ESM1: variants seen among roughly 807,000 people sequenced by gnomAD.
ESM1 encodes endothelial cell specific molecule 1.
A neutral mutation model predicts 14.9 loss-of-function variants in ESM1; 7 were observed. The observed-to-expected ratio is 0.47, with a 90% CI of 0.27 to 0.88. The LOEUF (loss-of-function observed/expected upper bound fraction) is 0.88, where lower values mean the gene tolerates loss of function less well. Ranked by LOEUF, ESM1 falls within the 40% of genes least tolerant of loss-of-function variation. The pLI is 0.14. For missense variants in ESM1, 192 were observed against 237.9 expected (o/e 0.81, Z 1.27); for synonymous variants, 89 against 89.4 (o/e 1.00, Z 0.02).
chr5:54,978,828 C>CA lies in ESM1; in HGVS notation c.*503dup, dbSNP rs10557410. ...GTTTTATTTTGACTTTTCCCAAAGC[C>CA]AAAAAAAAAAAAAAAAGCACAATTA... On this transcript the variant is annotated 3_prime_UTR_variant, in exon 3 of 3. Coordinates refer to ENST00000381405, the MANE Select transcript of ESM1 (RefSeq NM_007036.5). 46,810 of 129,832 alleles carry CA rather than the reference C, an allele frequency of 0.36. 8,228 individuals carry two copies. The highest frequency in any genetic ancestry group is 0.46 in the South Asian group (1,832 of 4,016). The allele number at this position is 129,832 out of a possible 1,614,324, so 8.0% of individuals were successfully genotyped here.
At chr5:54,983,061 A>C (rs575526978) in intron 1 of ESM1, among the ~76,000 whole-genome samples, 27 of 152,330 alleles carry the variant, frequency 1.8e-4, no homozygotes, top group African/African-American at 6.5e-4. Flanking sequence ...ATACCTTGTA[A>C]ATGTACAATC....
At chr5:54,985,153 T>A (rs1195925658) in intron 1 of ESM1, 64 bp downstream of exon 1, 1 of 1,478,034 alleles carries the variant, frequency 6.8e-7, no homozygotes, top group African/African-American at 1.4e-5. Context: ...CCACCTCACC[T>A]CCCAAGCTGG....
intron 1 of ESM1, among the ~76,000 whole-genome samples, chr5:54,982,425 T>C (rs1158396527): frequency 6.6e-6 from 1 of 152,170 alleles, no homozygotes; most frequent in Non-Finnish European, 1.5e-5. Flanking sequence ...TGGACCAGTC[T>C]TCATTCTGGT....
At chr5:54,982,699 C>T (rs77318173) in intron 1 of ESM1, among the ~76,000 whole-genome samples, 2,137 of 152,216 alleles carry the variant, frequency 0.014, 49 homozygotes, top group African/African-American at 0.05. Context: ...TATCAAGTTC[C>T]TTATTTGTCG....
intron 1 of ESM1, among the ~76,000 whole-genome samples, chr5:54,982,945 C>T (rs1740421899): frequency 6.6e-6 from 1 of 152,156 alleles, no homozygotes; most frequent in African/African-American, 2.4e-5. Context: ...ATTTAAAATG[C>T]ATAAAATTAT....
rs758722634 is a variant in ESM1 at position 54,985,463 on chromosome 5, C to A, written c.55G>T (p.Ala19Ser). ...TLLVPAHLVA[A>S]WSNNYAVDCP... ...TCCACCGCATAATTATTGCTCCAGG[C>A]GGCCACCAGGTGTGCAGGCACGAGG... Residue 19 changes from alanine to serine, a missense_variant, in exon 1 of 3, where the codon GCC becomes TCC. Ala to Ser is a moderately conservative substitution (Grantham distance 99, BLOSUM62 1). Coordinates refer to ENST00000381405, the MANE Select transcript of ESM1 (RefSeq NM_007036.5). 4 of 1,611,976 alleles carry A rather than the reference C, an allele frequency of 2.5e-6. No homozygotes were observed. Among genetic ancestry groups the A allele is most frequent in the Non-Finnish European group, 2.5e-6 (3 of 1,178,412 alleles).
At position 54,981,930 on chromosome 5, in the gene ESM1, A is replaced by T. The variant is rs189955108; in HGVS notation, c.451+67T>A. 3.3e-4 allele frequency: 487 copies of T among 1,454,804 alleles called. 1 individual carries two copies. In the African/African-American group the frequency reaches 6.4e-3, roughly 19 times the overall value. The allele number at this position is 1,454,804 out of a possible 1,614,324, so 90.1% of individuals were successfully genotyped here. On this transcript the variant is annotated intron_variant, in intron 2 of 2. Transcript: ENST00000381405. ...TCCACATCTTATTCTACTCACAGAT[A>T]TTTTCTAAGTTATTCACACTGAAAT... is the stretch of plus-strand genomic sequence containing the variant.
intron 2 of ESM1, among the ~76,000 whole-genome samples, chr5:54,981,143 A>T (rs1316883840): frequency 6.6e-6 from 1 of 152,186 alleles, no homozygotes; most frequent in Non-Finnish European, 1.5e-5. Flanking sequence ...CACCTCATAT[A>T]CTTATTTTTT....
intron 2 of ESM1, among the ~76,000 whole-genome samples, chr5:54,981,500 A>T (rs1415831275): frequency 1.3e-5 from 2 of 152,156 alleles, no homozygotes; most frequent in Non-Finnish European, 2.9e-5. Flanking sequence ...ATAAAAACAC[A>T]CACTTGGAAT....
chr5:54,984,472 T>C (rs1740485426), intron 1 of ESM1, among the ~76,000 whole-genome samples: 1 of 152,246 alleles, frequency 6.6e-6, no homozygotes, highest in South Asian at 2.1e-4. Flanking sequence ...AATGCTTAAC[T>C]ACATTATTTA....
chr5:54,978,673 C>A lies in ESM1; in HGVS notation c.*659G>T, dbSNP rs929191934. The A allele has an allele frequency of 6.6e-6, 1 of 152,500 alleles. No individual in the cohort carries two copies. The highest frequency in any genetic ancestry group is 6.6e-5 in the Admixed American group (1 of 15,252). The allele number at this position is 152,500 out of a possible 1,614,324, so 9.4% of individuals were successfully genotyped here. A position where few individuals can be genotyped will look rare whatever the true frequency, so the allele number is the denominator to read the frequency against. On this transcript the variant is annotated 3_prime_UTR_variant, in exon 3 of 3. Transcript: ENST00000381405. ...GTATGTGTTTCCTATGCCCCAGAAC[C>A]GTCCTTCAGATACAGGTAACCCGGG...
intron 2 of ESM1, among the ~76,000 whole-genome samples, chr5:54,981,069 A>G (rs1744043114): frequency 6.6e-6 from 1 of 152,214 alleles, no homozygotes; most frequent in Non-Finnish European, 1.5e-5. Flanking sequence ...TTAGGGTACA[A>G]TATGATACTT....
At position 54,982,842 on chromosome 5, in the gene ESM1, G is replaced by A. The variant is rs570702076; in HGVS notation, c.302-696C>T. On this transcript the variant is annotated intron_variant, in intron 1 of 2. Transcript: ENST00000381405. ...CAGGGCTTATACACCCTGAGGGTTT[G>A]TACACCTACCAAGAACTAGAAGCTT... Among the ~76,000 whole-genome samples, 35 of 152,276 alleles carry A rather than the reference G, an allele frequency of 2.3e-4. No individual in the cohort carries two copies. The East Asian group carries it at 5.2e-3, about 23-fold the overall frequency.
Position 54,979,277 on chromosome 5 carries a change from C to T in ESM1, c.*55G>A. On this transcript the variant is annotated 3_prime_UTR_variant, in exon 3 of 3. Coordinates refer to ENST00000381405, the MANE Select transcript of ESM1 (RefSeq NM_007036.5). ...ATCTAGAAAGTTCCTAAAATGTTGG[C>T]TGTGTGTTGAACAATCACGAAAATA... 7.9e-7 allele frequency: 1 copy of T among 1,268,148 alleles called. No individual in the cohort carries two copies. Among genetic ancestry groups the T allele is most frequent in the Non-Finnish European group, 1.2e-6 (1 of 868,236 alleles). 78.6% of individuals were successfully genotyped at this position (1,268,148 alleles called of 1,614,324 possible).
intron 2 of ESM1, 82 bp downstream of exon 2, chr5:54,981,915 A>T: frequency 1.5e-6 from 2 of 1,358,368 alleles, no homozygotes; most frequent in East Asian, 2.3e-5. Context: ...TCCACATCTT[A>T]TTCTACTCAC....
intron 1 of ESM1, among the ~76,000 whole-genome samples, chr5:54,983,327 C>T (rs770294873): frequency 1.7e-4 from 26 of 152,196 alleles, no homozygotes; most frequent in Non-Finnish European, 3.2e-4. Flanking sequence ...ACTGTGCCTG[C>T]AGCGATATTG....
chr5:54,979,251 A>T lies in ESM1; in HGVS notation c.*81T>A. 14 of 1,018,422 alleles carry T rather than the reference A, an allele frequency of 1.4e-5. No individual in the cohort carries two copies. Among genetic ancestry groups the T allele is most frequent in the Non-Finnish European group, 2.0e-5 (13 of 650,526 alleles). 63.1% of individuals were successfully genotyped at this position (1,018,422 alleles called of 1,614,324 possible). ...CAAAAATTACATGTCCTTATGCTATAATCTAGAAAGTTCCTAAAATGTTGG... is the reference window on the plus strand; with the variant it reads ...CAAAAATTACATGTCCTTATGCTATTATCTAGAAAGTTCCTAAAATGTTGG... On this transcript the variant is annotated 3_prime_UTR_variant, in exon 3 of 3. Transcript: ENST00000381405.
chr5:54,978,240 C>T lies in ESM1; in HGVS notation c.*1092G>A, dbSNP rs1372917281. ...TCTTCTTTTACAAACCTCCTAAAAACTTATTTTCTACCTTAAATTGAAAAT... is the reference window on the plus strand; with the variant it reads ...TCTTCTTTTACAAACCTCCTAAAAATTTATTTTCTACCTTAAATTGAAAAT... On this transcript the variant is annotated 3_prime_UTR_variant, in exon 3 of 3. Coordinates refer to ENST00000381405, the MANE Select transcript of ESM1 (RefSeq NM_007036.5). 6.6e-6 allele frequency: 1 copy of T among 152,142 alleles called. No homozygotes were observed. Among genetic ancestry groups the T allele is most frequent in the Non-Finnish European group, 1.5e-5 (1 of 68,022 alleles). 9.4% of individuals were successfully genotyped at this position (152,142 alleles called of 1,614,324 possible). A position where few individuals can be genotyped will look rare whatever the true frequency, so the allele number is the denominator to read the frequency against.
rs1365404503 is a variant in ESM1 at position 54,978,273 on chromosome 5, A to T, written c.*1059T>A. 6.6e-6 allele frequency: 1 copy of T among 152,164 alleles called. No homozygotes were observed. Among genetic ancestry groups the T allele is most frequent in the East Asian group, 1.9e-4 (1 of 5,202 alleles). The allele number at this position is 152,164 out of a possible 1,614,324, so 9.4% of individuals were successfully genotyped here. A position where few individuals can be genotyped will look rare whatever the true frequency, so the allele number is the denominator to read the frequency against. On this transcript the variant is annotated 3_prime_UTR_variant, in exon 3 of 3. Coordinates refer to ENST00000381405, the MANE Select transcript of ESM1 (RefSeq NM_007036.5). ...CTACCTTAAATTGAAAATTCACCTA[A>T]GTCACAGCACTTATGTTTAAATAAG... is the stretch of plus-strand genomic sequence containing the variant.
Sources: allele counts gnomAD v4.1 joint callset (sites outside exome capture counted in the v4.1 genomes callset), GRCh38; gene constraint gnomAD v4.1.1; transcripts MANE v1.5; gene names NCBI Gene and HGNC (gene_info 2026-07-23, HGNC 2026-07-21).